PTDSS2: variants seen among roughly 807,000 people sequenced by gnomAD.
The protein encoded by PTDSS2 is PSS-2.
In PTDSS2, 41 loss-of-function variants were observed where a neutral mutation model predicts 64.7. The observed-to-expected ratio is 0.63, with a 90% CI of 0.49 to 0.82. The LOEUF (loss-of-function observed/expected upper bound fraction) is 0.82. PTDSS2 is among the 40% of genes least tolerant of loss of function. PTDSS2 has a pLI of 0.00. For missense variants in PTDSS2, 485 were observed against 650.0 expected (o/e 0.75, Z 2.76); for synonymous variants, 297 against 277.8 (o/e 1.07, Z -0.69).
intron 1 of PTDSS2, among the ~76,000 whole-genome samples, chr11:453,732 C>T (rs535719511): frequency 6.6e-6 from 1 of 152,370 alleles, no homozygotes; most frequent in East Asian, 1.9e-4. Flanking sequence ...CCCATCCAGG[C>T]GTGGCCTTTC....
At chr11:478,014 G>A (rs1590662020) in intron 3 of PTDSS2, among the ~76,000 whole-genome samples, 1 of 152,174 alleles carries the variant, frequency 6.6e-6, no homozygotes, top group African/African-American at 2.4e-5. Context: ...GTACGTCGGG[G>A]CCTCCTGCGT....
chr11:488,342 CG>C (rs1848499769), intron 7 of PTDSS2, 30 bp downstream of exon 7: 1 of 1,562,506 alleles, frequency 6.4e-7, no homozygotes, highest in Non-Finnish European at 8.8e-7. Flanking sequence ...CCGGGGCAGT[CG>C]GTGCAGGCTG....
At chr11:480,779 C>T (rs1848033230) in intron 4 of PTDSS2, among the ~76,000 whole-genome samples, 1 of 152,228 alleles carries the variant, frequency 6.6e-6, no homozygotes, top group Non-Finnish European at 1.5e-5. Context: ...GAACTCCTGA[C>T]CTCAAATGAT....
intron 2 of PTDSS2, among the ~76,000 whole-genome samples, chr11:469,627 CAG>C (rs909238496): frequency 1.4e-4 from 21 of 152,084 alleles, no homozygotes; most frequent in African/African-American, 5.1e-4. Context: ...GATGGTTAAA[CAG>C]TGTGTGCGCA....
At position 484,706 on chromosome 11, in the gene PTDSS2, C is replaced by T. The variant is rs117981589; in HGVS notation, c.436-2233C>T. Among the ~76,000 whole-genome samples, 147 of 144,654 alleles carry T rather than the reference C, an allele frequency of 1.0e-3. 5 individuals carry two copies. The East Asian group carries it at 0.025, about 25-fold the overall frequency. 94.9% of individuals were successfully genotyped at this position (144,654 alleles called of 152,430 possible). The stretch of plus-strand genomic sequence containing the variant: ...GGCGTGTGTGCTGTGTGTGTGCAGG[C>T]GAGCGTAAACAGTGCACGGATGCGT... On this transcript the variant is annotated intron_variant, in intron 4 of 11. Coordinates refer to ENST00000308020, the MANE Select transcript of PTDSS2 (RefSeq NM_030783.3).
chr11:480,552 C>G (rs1848024442), intron 4 of PTDSS2: 1 of 159,006 alleles, frequency 6.3e-6, no homozygotes, highest in Non-Finnish European at 1.4e-5. Context: ...TCCTGCGCTC[C>G]TCTTTCTTTT....
At position 450,656 on chromosome 11, in the gene PTDSS2, CG is replaced by C. The variant is rs907599035; in HGVS notation, c.182+20del. The C allele has an allele frequency of 8.0e-7, 1 of 1,242,986 alleles. No individual in the cohort carries two copies. The highest frequency in any genetic ancestry group is 1.0e-6 in the Non-Finnish European group (1 of 985,916). 77.0% of individuals were successfully genotyped at this position (1,242,986 alleles called of 1,614,324 possible). A position where few individuals can be genotyped will look rare whatever the true frequency, so the allele number is the denominator to read the frequency against. On this transcript the variant is annotated intron_variant, in intron 1 of 11. Transcript: ENST00000308020. ...TCTTCTGGTGAGGGCAGTGGGCGGC[CG>C]CGGGGCGGCGAGGGTGCCCTCGACC...
rs541518220 is a variant in PTDSS2 at position 489,965 on chromosome 11, G to A, written c.1198G>A (p.Asp400Asn). Residue 400 changes from aspartate to asparagine, a missense_variant, in exon 11 of 12, where the codon GAC becomes AAC. Transcript: ENST00000308020. ...ATELLIVVKYDPHTLTLSLPF... is the reference protein window; with the variant it reads ...ATELLIVVKYNPHTLTLSLPF... ...GGAGCTGCTCATCGTGGTGAAGTAC[G>A]ACCCCCACACGCTCACCCTGTCCCT... The A allele has an allele frequency of 5.6e-6, 9 of 1,611,810 alleles. No homozygotes were observed. The highest frequency in any genetic ancestry group is 2.2e-5 in the East Asian group (1 of 44,854).
rs200042034 is a variant in PTDSS2 at position 487,412 on chromosome 11, G to A, written c.571-8G>A. ...CCAGGGTCAAGGGTCATACCCTGTC[G>A]CCCACAGGACAAGTTGGATGGCTTT... is the stretch of plus-strand genomic sequence containing the variant. On this transcript the variant is annotated splice_polypyrimidine_tract_variant and splice_region_variant and intron_variant, in intron 5 of 11. Transcript: ENST00000308020. The A allele has an allele frequency of 1.7e-5, 28 of 1,613,784 alleles. No homozygotes were observed. The Admixed American group carries it at 2.2e-4, about 12-fold the overall frequency.
At chr11:452,403 C>T (rs1246453464) in intron 1 of PTDSS2, among the ~76,000 whole-genome samples, 1 of 152,238 alleles carries the variant, frequency 6.6e-6, no homozygotes, top group African/African-American at 2.4e-5. Flanking sequence ...GCAGCCCACC[C>T]AGTACCAGGG....
intron 1 of PTDSS2, among the ~76,000 whole-genome samples, chr11:451,871 G>A (rs1255170654): frequency 6.6e-6 from 1 of 152,218 alleles, no homozygotes; most frequent in Non-Finnish European, 1.5e-5. Flanking sequence ...GAGGGCATCC[G>A]AGCTCTCCTT....
intron 1 of PTDSS2, among the ~76,000 whole-genome samples, chr11:457,970 C>T (rs150637602): frequency 9.5e-4 from 145 of 152,284 alleles, no homozygotes; most frequent in African/African-American, 1.7e-3. Context: ...GATGCTGTGT[C>T]GTGGCTTGGA....
intron 2 of PTDSS2, among the ~76,000 whole-genome samples, chr11:467,358 G>A (rs1053229054): frequency 1.2e-4 from 19 of 152,056 alleles, no homozygotes; most frequent in East Asian, 3.9e-4. Flanking sequence ...CTTAAAAACC[G>A]ACAGTACCAA....
chr11:475,308 T>C lies in PTDSS2; in HGVS notation c.367+1331T>C, dbSNP rs949588458. 9.2e-4 allele frequency among the ~76,000 whole-genome samples: 139 copies of C among 151,144 alleles called. No individual in the cohort carries two copies. The Middle Eastern group carries it at 0.017, about 19-fold the overall frequency. On this transcript the variant is annotated intron_variant, in intron 3 of 11. Transcript: ENST00000308020. ...TTCACGCGTTTGTGTGATACGGCCATATTCACGCGTTTGTGTGATACGGAC... is the reference window on the plus strand; with the variant it reads ...TTCACGCGTTTGTGTGATACGGCCACATTCACGCGTTTGTGTGATACGGAC...
chr11:448,859 C>T (rs1016147437), upstream of PTDSS2, among the ~76,000 whole-genome samples: 2 of 152,216 alleles, frequency 1.3e-5, no homozygotes, highest in Non-Finnish European at 2.9e-5. Flanking sequence ...TTAGGACATT[C>T]ACAGATAGGA....
chr11:458,305 C>T (rs367637698), intron 1 of PTDSS2, among the ~76,000 whole-genome samples: 11 of 150,802 alleles, frequency 7.3e-5, no homozygotes, highest in East Asian at 3.9e-4. Context: ...CCCGGGTTCA[C>T]GCCATTCTCC....
chr11:448,551 C>G (rs553890968), upstream of PTDSS2: 1 of 152,162 alleles, frequency 6.6e-6, no homozygotes, highest in Non-Finnish European at 1.5e-5. Context: ...GCCACTCAGC[C>G]GACCCCAGCT....
intron 1 of PTDSS2, among the ~76,000 whole-genome samples, chr11:457,823 G>A (rs181172134): frequency 1.3e-5 from 2 of 152,344 alleles, no homozygotes; most frequent in Admixed American, 1.3e-4. Flanking sequence ...TGGCTGGATA[G>A]CAGACGTAGC....
At chr11:453,225 G>C (rs1460524851) in intron 1 of PTDSS2, among the ~76,000 whole-genome samples, 1 of 152,184 alleles carries the variant, frequency 6.6e-6, no homozygotes, top group Non-Finnish European at 1.5e-5. Flanking sequence ...GGACAATTAT[G>C]GGGAACATCC....
Sources: gnomAD v4.1 joint callset for allele counts (sites outside exome capture counted in the v4.1 genomes callset) on GRCh38, gnomAD v4.1.1 for gene constraint, MANE v1.5 for transcripts, NCBI Gene and HGNC (gene_info 2026-07-23, HGNC 2026-07-21) for gene names.